The following TRIM50 variants were observed in gnomAD, a reference collection of about 807,000 sequenced individuals.
TRIM50 encodes tripartite motif containing 50.
TRIM50 carries 34 observed loss-of-function variants against 44.9 expected under a neutral mutation model. The ratio of observed to expected loss-of-function variants is 0.76; its 90% CI spans 0.58 to 1.01. The LOEUF is 1.01. TRIM50 is among the 50% of genes least tolerant of loss of function. The probability of loss-of-function intolerance (pLI) is 0.00; values close to 1 mark genes in which losing one functional copy is unlikely to be tolerated. For synonymous variants in TRIM50, 307 were observed against 291.1 expected (o/e 1.05, Z -0.56); for missense variants, 633 against 663.7 (o/e 0.95, Z 0.51).
chr7:73,325,094 G>C (rs1804594942), intron 1 of TRIM50, among the ~76,000 whole-genome samples: 1 of 151,382 alleles, frequency 6.6e-6, no homozygotes. Flanking sequence ...CATGAAAGGG[G>C]CCATCTGCAG....
In TRIM50 at chr7:73,313,554, C is replaced by T. The variant is rs1554543625; in HGVS notation, c.875-44G>A. ...AGGGTCTGTGAGGCCACGTGGAGGGCAGCAGACCCGGCCCACAGAAGCTGA... is the reference window on the plus strand; with the variant it reads ...AGGGTCTGTGAGGCCACGTGGAGGGTAGCAGACCCGGCCCACAGAAGCTGA... On this transcript the variant is annotated intron_variant, in intron 6 of 6. Coordinates refer to ENST00000333149, the MANE Select transcript of TRIM50 (RefSeq NM_178125.3). The surrounding 1 kb of genome is among the most constrained non-coding windows in gnomAD (Gnocchi z 4.9). The T allele has an allele frequency of 2.1e-6, 3 of 1,430,000 alleles. No individual in the cohort carries two copies. Among genetic ancestry groups the T allele is most frequent in the South Asian group, 2.9e-5 (2 of 69,534 alleles). 88.6% of individuals were successfully genotyped at this position (1,430,000 alleles called of 1,614,324 possible).
intron 5 of TRIM50, 68 bp downstream of exon 5, chr7:73,318,619 C>A (rs1554544458): frequency 3.7e-6 from 6 of 1,611,794 alleles, no homozygotes; most frequent in Non-Finnish European, 5.1e-6. Flanking sequence ...AATGGAGGAA[C>A]CAGTGGAGCT....
At position 73,316,513 on chromosome 7, in the gene TRIM50, C is replaced by T. The variant is rs1267405726; in HGVS notation, c.874+52G>A. 5.0e-6 allele frequency: 8 copies of T among 1,605,534 alleles called. No homozygotes were observed. In the African/African-American group the frequency reaches 6.7e-5, roughly 13 times the overall value. On this transcript the variant is annotated intron_variant, in intron 6 of 6. Transcript: ENST00000333149. The stretch of plus-strand genomic sequence containing the variant: ...TCTCTCTGATACAATCGATGAACTG[C>T]CACCTGCCCTGGGCGGCAGCCCTCA...
chr7:73,320,060 T>G, intron 3 of TRIM50, 87 bp downstream of exon 3: 1 of 1,609,036 alleles, frequency 6.2e-7, no homozygotes, highest in Non-Finnish European at 8.5e-7. Flanking sequence ...AAGGCATGGT[T>G]TTCTGTAAAG....
chr7:73,321,826 T>G (rs1173174260), intron 2 of TRIM50: 1 of 152,078 alleles, frequency 6.6e-6, no homozygotes, highest in Admixed American at 6.5e-5. Flanking sequence ...ATCAGAATAT[T>G]TCACAGCGGC....
At chr7:73,320,686 A>G (rs1329048882) in intron 2 of TRIM50, among the ~76,000 whole-genome samples, 3 of 149,856 alleles carry the variant, frequency 2.0e-5, no homozygotes, top group African/African-American at 7.4e-5. Context: ...TGACACAGTG[A>G]GACTCTGTCT....
Position 73,313,900 on chromosome 7 carries a change from C to G in TRIM50, c.875-390G>C, listed in dbSNP as rs1184724723. On this transcript the variant is annotated intron_variant, in intron 6 of 6. Coordinates refer to ENST00000333149, the MANE Select transcript of TRIM50 (RefSeq NM_178125.3). The surrounding 1 kb of genome is among the most constrained non-coding windows in gnomAD (Gnocchi z 4.9). The stretch of plus-strand genomic sequence containing the variant: ...TGTTGTGGGAAGGACCCGGAAGACA[C>G]CTGTCCTGTGAGCCTATAGCTCAGC... 3.5e-4 allele frequency among the ~76,000 whole-genome samples: 53 copies of G among 152,226 alleles called. No individual in the cohort carries two copies. Among genetic ancestry groups the G allele is most frequent in the Admixed American group, 8.5e-4 (13 of 15,290 alleles).
chr7:73,315,041 T>C, intron 6 of TRIM50: 1 of 345,880 alleles, frequency 2.9e-6, no homozygotes, highest in South Asian at 2.7e-5. Flanking sequence ...CAGGTTAACT[T>C]GGAAGACAAA....
chr7:73,324,552 C>T lies in TRIM50; in HGVS notation c.236G>A (p.Arg79Lys). ...CTTGGGCTCCGGGTCCCCAGGGAGC[C>T]TCAGGGCTTCGATCACCCTGGCCAG... is the stretch of plus-strand genomic sequence containing the variant. ...VSLARVIEAL[R>K]LPGDPEPKVC... The change falls in exon 2 of 7, where the codon AGG becomes AAG. Residue 79 changes from arginine to lysine, a missense_variant. Transcript: ENST00000333149. 2 of 1,614,090 alleles carry T rather than the reference C, an allele frequency of 1.2e-6. No homozygotes were observed. Among genetic ancestry groups the T allele is most frequent in the Non-Finnish European group, 8.5e-7 (1 of 1,179,980 alleles).
intron 6 of TRIM50, chr7:73,314,542 G>T: frequency 2.9e-6 from 1 of 341,784 alleles, no homozygotes; most frequent in South Asian, 2.4e-5. Context: ...TCACCACCTT[G>T]ATGGAGAACA....
chr7:73,324,943 T>A lies in TRIM50; in HGVS notation c.-18-138A>T, dbSNP rs1371657254. On this transcript the variant is annotated intron_variant, in intron 1 of 6. Transcript: ENST00000333149. The stretch of plus-strand genomic sequence containing the variant: ...TCCTGGATCCCAGTCCTAACCCACA[T>A]GACCTTGGGCCCCAGTTTCCGCAGC... 5.6e-6 allele frequency: 8 copies of A among 1,431,182 alleles called. No homozygotes were observed. In the Admixed American group the frequency reaches 2.1e-4, roughly 38 times the overall value. 88.7% of individuals were successfully genotyped at this position (1,431,182 alleles called of 1,614,324 possible). A position where few individuals can be genotyped will look rare whatever the true frequency, so the allele number is the denominator to read the frequency against.
chr7:73,320,045 T>C, intron 3 of TRIM50, 102 bp downstream of exon 3: 1 of 1,593,616 alleles, frequency 6.3e-7, no homozygotes, highest in African/African-American at 1.3e-5. Flanking sequence ...TCTGGCTTTA[T>C]ATGGAAGGCA....
chr7:73,313,321 AC>A lies in TRIM50; in HGVS notation c.1063del (p.Val355TrpfsTer22), dbSNP rs559060709. ...CAGGCGCCAGTCGCTCTTGCTGCCC[AC>A]CACCACCTCCCAGTAGTGGCGGCCG... is the stretch of plus-strand genomic sequence containing the variant. The part of the protein sequence containing the change: ...SCGRHYWEVV[V>X]GSKSDWRLGV... On this transcript the variant is annotated frameshift_variant, in exon 7 of 7. Transcript: ENST00000333149. LOFTEE classifies it high-confidence loss of function. The surrounding 1 kb of genome is among the most constrained non-coding windows in gnomAD (Gnocchi z 4.9). 4,342 of 1,605,484 alleles carry A rather than the reference AC, an allele frequency of 2.7e-3. 11 individuals carry two copies. The highest frequency in any genetic ancestry group is 2.9e-3 in the South Asian group (256 of 89,398).
chr7:73,312,933 G>T lies in TRIM50; in HGVS notation c.1452C>A (p.Pro484=). ...SGPGPLSPEQ[P]TKL ...ACTCCGGGCGGCCCTACAGCTTGGTGGGCTGCTCGGGGCTGAGGGGGCCAG... is the reference window on the plus strand; with the variant it reads ...ACTCCGGGCGGCCCTACAGCTTGGTTGGCTGCTCGGGGCTGAGGGGGCCAG... Residue 484 remains proline, a synonymous_variant, in exon 7 of 7, where the codon CCC becomes CCA. Transcript: ENST00000333149. 1 of 1,543,790 alleles carries T rather than the reference G, an allele frequency of 6.5e-7. No homozygotes were observed. Among genetic ancestry groups the T allele is most frequent in the African/African-American group, 1.4e-5 (1 of 72,998 alleles).
In TRIM50 at chr7:73,316,727, T is replaced by C. The variant is rs782588293; in HGVS notation, c.750-38A>G. 6 of 1,603,618 alleles carry C rather than the reference T, an allele frequency of 3.7e-6. No individual in the cohort carries two copies. In the African/African-American group the frequency reaches 5.4e-5, roughly 14 times the overall value. ...GTTCACAGTACAAGAGAGTGAGGTA[T>C]CACGTGGCCCACCCCACCCCTCCAT... On this transcript the variant is annotated intron_variant, in intron 5 of 6. Coordinates refer to ENST00000333149, the MANE Select transcript of TRIM50 (RefSeq NM_178125.3).
chr7:73,316,526 G>A, intron 6 of TRIM50, 39 bp downstream of exon 6: 1 of 1,611,700 alleles, frequency 6.2e-7, no homozygotes, highest in Non-Finnish European at 8.5e-7. Flanking sequence ...CCTGCCCTGG[G>A]CGGCAGCCCT....
rs151287778 is a variant in TRIM50 at position 73,327,871 on chromosome 7, A to G, written c.-19+29T>C. The G allele has an allele frequency of 7.7e-3, 2,743 of 355,344 alleles. 64 individuals carry two copies. Among genetic ancestry groups the G allele is most frequent in the African/African-American group, 0.055 (2,576 of 46,986 alleles). The allele number at this position is 355,344 out of a possible 1,614,324, so 22.0% of individuals were successfully genotyped here. A position where few individuals can be genotyped will look rare whatever the true frequency, so the allele number is the denominator to read the frequency against. On this transcript the variant is annotated intron_variant, in intron 1 of 6. Coordinates refer to ENST00000333149, the MANE Select transcript of TRIM50 (RefSeq NM_178125.3). ...GCTCTGCGTGCTCGTTAGGTGCCCCATCATTTCCCGCTCGCTCTCGTTACG... is the reference window on the plus strand; with the variant it reads ...GCTCTGCGTGCTCGTTAGGTGCCCCGTCATTTCCCGCTCGCTCTCGTTACG...
chr7:73,322,615 C>A (rs1420704350), intron 2 of TRIM50, among the ~76,000 whole-genome samples: 9 of 152,208 alleles, frequency 5.9e-5, no homozygotes, highest in Admixed American at 5.9e-4. Flanking sequence ...ACGTGATCTC[C>A]TTCAGTCTCT....
chr7:73,324,640 C>A lies in TRIM50; in HGVS notation c.148G>T (p.Glu50Ter), dbSNP rs138877207. The A allele has an allele frequency of 1.9e-6, 3 of 1,614,076 alleles. No individual in the cohort carries two copies. The African/African-American group carries it at 4.0e-5, about 22-fold the overall frequency. Residue 50 changes from glutamate to a stop codon, truncating the protein, a stop_gained, in exon 2 of 7, where the codon GAG becomes TAG. Coordinates refer to ENST00000333149, the MANE Select transcript of TRIM50 (RefSeq NM_178125.3). LOFTEE classifies it high-confidence loss of function. ...LVSLSCHLDA[E>*]LRCPVCRQAV... Reference sequence around the variant, plus strand: ...TGCCGGCACACGGGGCAGCGCAGCTCGGCATCCAGGTGGCAGGACAGGGAA... The same window carrying A: ...TGCCGGCACACGGGGCAGCGCAGCTAGGCATCCAGGTGGCAGGACAGGGAA...
Sources: gnomAD v4.1 joint callset for allele counts (sites outside exome capture counted in the v4.1 genomes callset) on GRCh38, gnomAD v4.1.1 for gene constraint, Gnocchi (gnomAD v3.1) non-coding constraint, MANE v1.5 for transcripts, NCBI Gene and HGNC (gene_info 2026-07-23, HGNC 2026-07-21) for gene names.